The following UBE2E2 variants were observed in gnomAD, a reference collection of about 807,000 sequenced individuals.
UBE2E2 encodes the protein ubiquitin conjugating enzyme E2 E2.
UBE2E2 carries 6 observed loss-of-function variants against 24.7 expected under a neutral mutation model. That is an observed-to-expected ratio of 0.24 (90% confidence interval 0.13 to 0.48). The LOEUF is 0.48. Among genes scored for constraint, UBE2E2 ranks in the 20% least tolerant of loss-of-function variants. The pLI, the probability that UBE2E2 is intolerant of heterozygous loss-of-function variation, is 0.99. For missense variants in UBE2E2, 169 were observed against 245.0 expected (o/e 0.69, Z 2.07); for synonymous variants, 104 against 83.6 (o/e 1.24, Z -1.33).
In UBE2E2 at chr3:23,525,047, A is replaced by G. The variant is rs759075347; in HGVS notation, c.361-7507A>G. On this transcript the variant is annotated intron_variant, in intron 4 of 5. Transcript: ENST00000396703. ...GAGTTCATTCTTGAGGCTTTAGGGGAAAAATCCATTTCCTTGCCTTTTTCA... is the reference window on the plus strand; with the variant it reads ...GAGTTCATTCTTGAGGCTTTAGGGGGAAAATCCATTTCCTTGCCTTTTTCA... Among the ~76,000 whole-genome samples the G allele has an allele frequency of 7.0e-3, 1,061 of 152,214 alleles. 8 individuals carry two copies. Among genetic ancestry groups the G allele is most frequent in the Middle Eastern group, 0.017 (5 of 294 alleles).
intron 3 of UBE2E2, among the ~76,000 whole-genome samples, chr3:23,374,533 T>C (rs1696471880): frequency 6.6e-6 from 1 of 152,214 alleles, no homozygotes; most frequent in South Asian, 2.1e-4. Flanking sequence ...TGGCCTCACC[T>C]TGCCTTAATC....
At position 23,316,317 on chromosome 3, in the gene UBE2E2, C is replaced by T. The variant is rs139177912; in HGVS notation, c.227+99005C>T. On this transcript the variant is annotated intron_variant, in intron 3 of 5. Coordinates refer to ENST00000396703, the MANE Select transcript of UBE2E2 (RefSeq NM_152653.4). The stretch of plus-strand genomic sequence containing the variant: ...TGTGCTACTGCACCTGAGCTGCCAC[C>T]GAAACCACAAGACAAAGTCCTTCCC... Among the ~76,000 whole-genome samples, 19 of 152,174 alleles carry T rather than the reference C, an allele frequency of 1.2e-4. 1 individual carries two copies. Among genetic ancestry groups the T allele is most frequent in the South Asian group, 4.2e-4 (2 of 4,810 alleles).
chr3:23,204,034 C>T (rs900339803), intron 1 of UBE2E2, among the ~76,000 whole-genome samples: 1 of 151,898 alleles, frequency 6.6e-6, no homozygotes, highest in African/African-American at 2.4e-5. Flanking sequence ...TGATGCCTGG[C>T]GCTTGTCACA....
At chr3:23,337,685 C>T (rs886590581) in intron 3 of UBE2E2, among the ~76,000 whole-genome samples, 1 of 152,028 alleles carries the variant, frequency 6.6e-6, no homozygotes, top group Non-Finnish European at 1.5e-5. Context: ...TTAGTGGGAA[C>T]AGTATGTGCA....
At chr3:23,364,707 G>T (rs1696210858) in intron 3 of UBE2E2, among the ~76,000 whole-genome samples, 1 of 152,116 alleles carries the variant, frequency 6.6e-6, no homozygotes, top group South Asian at 2.1e-4. Flanking sequence ...GGAAAAGCTG[G>T]TACTATTCCT....
intron 3 of UBE2E2, among the ~76,000 whole-genome samples, chr3:23,256,606 CAATT>C (rs1181069578): frequency 2.0e-5 from 3 of 152,072 alleles, no homozygotes; most frequent in Non-Finnish European, 2.9e-5. Context: ...TCTTTGAAAG[CAATT>C]AATAAAATCC....
intron 5 of UBE2E2, among the ~76,000 whole-genome samples, chr3:23,555,847 T>G (rs1695766065): frequency 6.6e-6 from 1 of 152,072 alleles, no homozygotes; most frequent in South Asian, 2.1e-4. Flanking sequence ...AGATAGCAAA[T>G]AAAACAGGAG....
At chr3:23,343,623 C>T (rs1471433145) in intron 3 of UBE2E2, among the ~76,000 whole-genome samples, 1 of 152,116 alleles carries the variant, frequency 6.6e-6, no homozygotes, top group African/African-American at 2.4e-5. Context: ...TTAAAGTAAA[C>T]TTTTGTGAAG....
chr3:23,519,944 G>A (rs1694826225), intron 4 of UBE2E2, among the ~76,000 whole-genome samples: 1 of 151,992 alleles, frequency 6.6e-6, no homozygotes, highest in Non-Finnish European at 1.5e-5. Flanking sequence ...ACCCAGCCAT[G>A]AATATCATTA....
chr3:23,495,924 AAAC>A (rs142237763), intron 3 of UBE2E2, among the ~76,000 whole-genome samples: 9,117 of 152,206 alleles, frequency 0.06, 439 homozygotes, highest in Non-Finnish European at 0.087. Context: ...ATCCTTTTTT[AAAC>A]AAGAGAAATC....
intron 3 of UBE2E2, among the ~76,000 whole-genome samples, chr3:23,238,919 C>T (rs1021071322): frequency 2.0e-5 from 3 of 152,100 alleles, no homozygotes; most frequent in Admixed American, 2.0e-4. Context: ...TTCAGCTTTT[C>T]AGATTAGGAA....
intron 3 of UBE2E2, among the ~76,000 whole-genome samples, chr3:23,454,928 G>A (rs1263109219): frequency 6.6e-6 from 1 of 152,060 alleles, no homozygotes; most frequent in Non-Finnish European, 1.5e-5. Context: ...GCAGTATTTT[G>A]TTTCTTTATG....
chr3:23,377,802 TATATG>T (rs1696558060), intron 3 of UBE2E2, among the ~76,000 whole-genome samples: 1 of 152,256 alleles, frequency 6.6e-6, no homozygotes, highest in South Asian at 2.1e-4. Context: ...CAGAACCTGA[TATATG>T]ATAAGAGCTT....
intron 4 of UBE2E2, among the ~76,000 whole-genome samples, chr3:23,518,998 C>T (rs534015799): frequency 6.6e-6 from 1 of 152,254 alleles, no homozygotes; most frequent in East Asian, 1.9e-4. Context: ...TTCCAAATCC[C>T]TAAAACACCT....
intron 3 of UBE2E2, among the ~76,000 whole-genome samples, chr3:23,349,598 G>T (rs1437177582): frequency 6.6e-6 from 1 of 152,242 alleles, no homozygotes; most frequent in Non-Finnish European, 1.5e-5. Flanking sequence ...GCAAGGCTCG[G>T]AGGGTCCTAC....
intron 5 of UBE2E2, among the ~76,000 whole-genome samples, chr3:23,553,136 G>T (rs1695689486): frequency 6.6e-6 from 1 of 151,934 alleles, no homozygotes; most frequent in Non-Finnish European, 1.5e-5. Flanking sequence ...GGTAAAGTTA[G>T]CCTACTTACC....
At chr3:23,546,769 G>A (rs1448140287) in intron 5 of UBE2E2, among the ~76,000 whole-genome samples, 6 of 151,872 alleles carry the variant, frequency 4.0e-5, no homozygotes, top group East Asian at 1.9e-4. Context: ...CACCGCGCCC[G>A]GCAAGAACAT....
At chr3:23,349,894 C>A (rs532599336) in intron 3 of UBE2E2, among the ~76,000 whole-genome samples, 1 of 152,332 alleles carries the variant, frequency 6.6e-6, no homozygotes, top group South Asian at 2.1e-4. Flanking sequence ...GTTCTCCCAG[C>A]AGGCAGCTGG....
rs143792211 is a variant in UBE2E2, at chr3:23,497,401, G to A, written c.228-2207G>A. ...ATGCAGAGATGATTTTTGTCACGTG[G>A]CATTTTAGGCATTTTAAGCAGCTAT... On this transcript the variant is annotated intron_variant, in intron 3 of 5. Transcript: ENST00000396703. Among the ~76,000 whole-genome samples, 13 of 152,294 alleles carry A rather than the reference G, an allele frequency of 8.5e-5. No homozygotes were observed. In the East Asian group the frequency reaches 2.5e-3, roughly 29 times the overall value.
Sources: gnomAD v4.1 joint callset for allele counts (sites outside exome capture counted in the v4.1 genomes callset) on GRCh38, gnomAD v4.1.1 for gene constraint, MANE v1.5 for transcripts, NCBI Gene and HGNC (gene_info 2026-07-23, HGNC 2026-07-21) for gene names.